PRKN: variants seen among roughly 807,000 people sequenced by gnomAD.
PRKN encodes parkin RBR E3 ubiquitin protein ligase.
Under a neutral mutation model 59.5 loss-of-function variants are expected in PRKN, and 56 were observed. The observed-to-expected ratio is 0.94, with a 90% CI of 0.76 to 1.18. PRKN has a LOEUF of 1.18. Ranked by LOEUF, PRKN falls within the 50% of genes most tolerant of loss-of-function variation. The probability of loss-of-function intolerance (pLI) is 0.00; values close to 1 mark genes in which losing one functional copy is unlikely to be tolerated. For missense variants in PRKN, 657 were observed against 596.4 expected, an observed-to-expected ratio of 1.10 and a Z score of -1.06; for synonymous variants, 250 against 222.1, an observed-to-expected ratio of 1.13 and a Z score of -1.12.
At chr6:162,488,185 C>G (rs1283527241) in intron 1 of PRKN, among the ~76,000 whole-genome samples, 1 of 152,016 alleles carries the variant, frequency 6.6e-6, no homozygotes, top group Non-Finnish European at 1.5e-5. Flanking sequence ...AGGAAGAATT[C>G]CTGTTACTCT....
intron 5 of PRKN, among the ~76,000 whole-genome samples, chr6:162,009,965 C>G (rs1452705222): frequency 6.6e-6 from 1 of 151,308 alleles, no homozygotes; most frequent in African/African-American, 2.4e-5. Flanking sequence ...TGGTTCATAA[C>G]TAGGTGTACT....
chr6:161,528,523 C>A (rs550572508), intron 9 of PRKN, among the ~76,000 whole-genome samples: 1 of 152,174 alleles, frequency 6.6e-6, no homozygotes, highest in South Asian at 2.1e-4. Context: ...GAAATCACAG[C>A]AGAGTGGCAG....
chr6:161,469,483 G>T (rs1297203425), intron 9 of PRKN, among the ~76,000 whole-genome samples: 1 of 147,616 alleles, frequency 6.8e-6, no homozygotes, highest in Non-Finnish European at 1.5e-5. Context: ...GAAATGAGTA[G>T]GTTAAGGGTC....
At chr6:162,067,089 T>C (rs1027582305) in intron 4 of PRKN, among the ~76,000 whole-genome samples, 1 of 152,154 alleles carries the variant, frequency 6.6e-6, no homozygotes. Flanking sequence ...GTTTGTAATA[T>C]ACATAGTGCA....
intron 1 of PRKN, among the ~76,000 whole-genome samples, chr6:162,699,092 A>C (rs1333642605): frequency 6.6e-6 from 1 of 152,236 alleles, no homozygotes; most frequent in East Asian, 1.9e-4. Flanking sequence ...TAGCTACAGA[A>C]ACAGAAACAA....
At chr6:161,668,162 C>T (rs1248499369) in intron 7 of PRKN, among the ~76,000 whole-genome samples, 2 of 150,852 alleles carry the variant, frequency 1.3e-5, no homozygotes, top group African/African-American at 4.9e-5. Flanking sequence ...TATGCTGACA[C>T]TTACTAAAAT....
chr6:162,534,513 C>G (rs138795764), intron 1 of PRKN, among the ~76,000 whole-genome samples: 146 of 152,324 alleles, frequency 9.6e-4, no homozygotes, highest in Non-Finnish European at 1.6e-3. Context: ...AGACCGCACA[C>G]TCCTTGAAGT....
Position 162,384,657 on chromosome 6 carries a change from A to C in PRKN, c.171+58653T>G, listed in dbSNP as rs548058295. Among the ~76,000 whole-genome samples, 39 of 142,678 alleles carry C rather than the reference A, an allele frequency of 2.7e-4. 1 individual carries two copies. The highest frequency in any genetic ancestry group is 5.6e-4 in the Admixed American group (8 of 14,174). The allele number at this position is 142,678 out of a possible 152,430, so 93.6% of individuals were successfully genotyped here. A position where few individuals can be genotyped will look rare whatever the true frequency, so the allele number is the denominator to read the frequency against. ...CAAAGCTTCAATTTGTAAAAAAAAAAAAAAACAAAAAAAAAAAACACTCAT... is the reference window on the plus strand; with the variant it reads ...CAAAGCTTCAATTTGTAAAAAAAAACAAAAACAAAAAAAAAAAACACTCAT... On this transcript the variant is annotated intron_variant, in intron 2 of 11. Coordinates refer to ENST00000366898, the MANE Select transcript of PRKN (RefSeq NM_004562.3).
intron 6 of PRKN, among the ~76,000 whole-genome samples, chr6:161,823,953 CCT>C (rs1279844959): frequency 3.3e-5 from 5 of 152,194 alleles, no homozygotes; most frequent in Admixed American, 6.5e-5. Flanking sequence ...TAGAAATCCC[CCT>C]GTGTCAGGCG....
intron 6 of PRKN, among the ~76,000 whole-genome samples, chr6:161,858,016 T>G (rs1246073465): frequency 6.6e-6 from 1 of 152,222 alleles, no homozygotes; most frequent in Non-Finnish European, 1.5e-5. Flanking sequence ...GAGCTGAAAC[T>G]TATGAATTGG....
Position 161,386,660 on chromosome 6 carries a change from A to C in PRKN, c.1167+134T>G. The C allele has an allele frequency of 1.3e-6, 1 of 775,258 alleles. No individual in the cohort carries two copies. Among genetic ancestry groups the C allele is most frequent in the Non-Finnish European group, 2.3e-6 (1 of 433,152 alleles). The allele number at this position is 775,258 out of a possible 1,614,324, so 48.0% of individuals were successfully genotyped here. A position where few individuals can be genotyped will look rare whatever the true frequency, so the allele number is the denominator to read the frequency against. Reference sequence around the variant, plus strand: ...TCATTCTGGGAGAAGCCACGGCCCCATTCCCATGGCTGTCAGCTACCAGTC... The same window carrying C: ...TCATTCTGGGAGAAGCCACGGCCCCCTTCCCATGGCTGTCAGCTACCAGTC... On this transcript the variant is annotated intron_variant, in intron 10 of 11. Transcript: ENST00000366898. This position sits in a 1 kb window ranked among gnomAD's most constrained non-coding sequence, Gnocchi z 4.3.
intron 4 of PRKN, among the ~76,000 whole-genome samples, chr6:162,126,057 A>G (rs1304389682): frequency 6.6e-6 from 1 of 152,230 alleles, no homozygotes; most frequent in East Asian, 1.9e-4. Flanking sequence ...AACTCCATAT[A>G]TGATACATGG....
At position 161,362,981 on chromosome 6, in the gene PRKN, C is replaced by T. The variant is rs1785033877; in HGVS notation, c.1168-2776G>A. Reference sequence around the variant, plus strand: ...TACTGGCCAGGCATGGTGGCTCACACCTGTAATCCCAGCACTTTGGGAGGC... The same window carrying T: ...TACTGGCCAGGCATGGTGGCTCACATCTGTAATCCCAGCACTTTGGGAGGC... On this transcript the variant is annotated intron_variant, in intron 10 of 11. Coordinates refer to ENST00000366898, the MANE Select transcript of PRKN (RefSeq NM_004562.3). The surrounding 1 kb of genome is among the most constrained non-coding windows in gnomAD (Gnocchi z 5.2). 6.6e-6 allele frequency among the ~76,000 whole-genome samples: 1 copy of T among 152,228 alleles called. No individual in the cohort carries two copies. The highest frequency in any genetic ancestry group is 1.5e-5 in the Non-Finnish European group (1 of 68,044).
chr6:162,289,957 T>C (rs1471560326), intron 2 of PRKN, among the ~76,000 whole-genome samples: 2 of 152,166 alleles, frequency 1.3e-5, no homozygotes, highest in African/African-American at 4.8e-5. Context: ...AGTAAGAGTA[T>C]GATTTTTTTC....
chr6:161,416,366 G>A (rs558678224), intron 9 of PRKN, among the ~76,000 whole-genome samples: 1 of 152,080 alleles, frequency 6.6e-6, no homozygotes, highest in Non-Finnish European at 1.5e-5. Context: ...GCACACACTG[G>A]GGGGCAGGAA....
rs1781138908 is a variant in PRKN at position 161,576,606 on chromosome 6, A to T, written c.872-7190T>A. The stretch of plus-strand genomic sequence containing the variant: ...GGTCGCAGCCGTGAAAAATTAAAAC[A>T]GACAAAAATCCCTCATTGGAGCTTG... On this transcript the variant is annotated intron_variant, in intron 7 of 11. Transcript: ENST00000366898. This position sits in a 1 kb window ranked among gnomAD's most constrained non-coding sequence, Gnocchi z 4.6. Among the ~76,000 whole-genome samples, 2 of 152,248 alleles carry T rather than the reference A, an allele frequency of 1.3e-5. No homozygotes were observed. Among genetic ancestry groups the T allele is most frequent in the Admixed American group, 1.3e-4 (2 of 15,288 alleles).
chr6:161,675,790 A>G (rs535797459), intron 7 of PRKN, among the ~76,000 whole-genome samples: 2 of 152,378 alleles, frequency 1.3e-5, no homozygotes, highest in South Asian at 2.1e-4. Context: ...GACTTTTAGA[A>G]ATAAAGACAT....
intron 9 of PRKN, among the ~76,000 whole-genome samples, chr6:161,387,095 A>T (rs1314246791): frequency 6.6e-6 from 1 of 152,158 alleles, no homozygotes; most frequent in Non-Finnish European, 1.5e-5. Flanking sequence ...GGCTACAGAG[A>T]TGATGGGTCA....
intron 1 of PRKN, among the ~76,000 whole-genome samples, chr6:162,606,555 G>A (rs1358539966): frequency 6.6e-6 from 1 of 152,164 alleles, no homozygotes; most frequent in Non-Finnish European, 1.5e-5. Flanking sequence ...ACTGTCTGTA[G>A]TTCAGTCAAG....
Sources: allele counts gnomAD v4.1 joint callset (sites outside exome capture counted in the v4.1 genomes callset), GRCh38; gene constraint gnomAD v4.1.1; non-coding constraint Gnocchi (gnomAD v3.1); transcripts MANE v1.5; gene names NCBI Gene and HGNC (gene_info 2026-07-23, HGNC 2026-07-21).